The following RBIS variants were observed in gnomAD, a reference collection of about 807,000 sequenced individuals.
The protein encoded by RBIS is ribosomal biogenesis factor.
In RBIS, 9 loss-of-function variants were observed where a neutral mutation model predicts 9.8. The observed-to-expected ratio is 0.92, with a 90% CI of 0.56 to 1.61. The LOEUF (loss-of-function observed/expected upper bound fraction) is 1.61. Ranked by LOEUF, RBIS falls within the 40% of genes most tolerant of loss-of-function variation. The pLI is 0.00. For synonymous variants in RBIS, 35 were observed against 37.9 expected (o/e 0.92, Z 0.28); for missense variants, 103 against 116.0 (o/e 0.89, Z 0.51).
rs779439371 is a variant in RBIS, at chr8:85,217,420, T to C, written c.80A>G (p.Asn27Ser). Residue 27 changes from asparagine to serine, a missense_variant, in exon 2 of 4, where the codon AAC becomes AGC. By Grantham distance (46) the Asn-to-Ser change is conservative (BLOSUM62 1). Transcript: ENST00000619594. The stretch of plus-strand genomic sequence containing the variant: ...ATTAGTGGTAACTGGTTTTGCTTTG[T>C]TTTTAGCCTTAAAGTTTTTTTGGCT... ...IASQKNFKAKNKAKPVTTNLK... is the reference protein window; with the variant it reads ...IASQKNFKAKSKAKPVTTNLK... The C allele has an allele frequency of 1.2e-6, 2 of 1,611,994 alleles. No individual in the cohort carries two copies. The highest frequency in any genetic ancestry group is 1.7e-6 in the Non-Finnish European group (2 of 1,178,544).
intron 1 of RBIS, chr8:85,218,906 C>G (rs970826305): frequency 6.6e-6 from 1 of 152,220 alleles, no homozygotes; most frequent in African/African-American, 2.4e-5. Context: ...GCTGATATGG[C>G]TGCTTTCCTG....
intron 2 of RBIS, chr8:85,216,405 ATC>A (rs998220025): frequency 6.6e-6 from 1 of 152,140 alleles, no homozygotes; most frequent in Non-Finnish European, 1.5e-5. Flanking sequence ...CTACCCATAG[ATC>A]TCTCTCTTAG....
Position 85,214,472 on chromosome 8 carries a change from T to G in RBIS, c.*88A>C, listed in dbSNP as rs1813047659. The G allele has an allele frequency of 2.2e-6, 2 of 908,328 alleles. No homozygotes were observed. Among genetic ancestry groups the G allele is most frequent in the Non-Finnish European group, 1.8e-6 (1 of 557,704 alleles). 56.3% of individuals were successfully genotyped at this position (908,328 alleles called of 1,614,324 possible). On this transcript the variant is annotated 3_prime_UTR_variant, in exon 4 of 4. Transcript: ENST00000619594. ...TTTGTTTTTAAAATGTGCCAATGCC[T>G]GTACATTAACAAGATTTTTAAAAAT...
rs561464143 is a variant in RBIS at position 85,214,739 on chromosome 8, G to A, written c.232-108C>T. 3 of 835,498 alleles carry A rather than the reference G, an allele frequency of 3.6e-6. No homozygotes were observed. The East Asian group carries it at 7.3e-5, about 20-fold the overall frequency. 51.8% of individuals were successfully genotyped at this position (835,498 alleles called of 1,614,324 possible). Reference sequence around the variant, plus strand: ...TTTTCTAGTCATATCTTTGGAAGTAGAACAATCTGTATATTCTGACAATGT... The same window carrying A: ...TTTTCTAGTCATATCTTTGGAAGTAAAACAATCTGTATATTCTGACAATGT... On this transcript the variant is annotated intron_variant, in intron 3 of 3. Coordinates refer to ENST00000619594, the MANE Select transcript of RBIS (RefSeq NM_001099673.3).
In RBIS at chr8:85,214,425, T is replaced by C. The variant is rs188049660; in HGVS notation, c.*135A>G. The stretch of plus-strand genomic sequence containing the variant: ...TCTGACATTCCACTTTCCTAGGTTA[T>C]AGGAAAGATCTGTTTATGTAGTTTG... On this transcript the variant is annotated 3_prime_UTR_variant, in exon 4 of 4. Coordinates refer to ENST00000619594, the MANE Select transcript of RBIS (RefSeq NM_001099673.3). 2.2e-4 allele frequency: 151 copies of C among 678,860 alleles called. 1 individual carries two copies. The East Asian group carries it at 3.7e-3, about 17-fold the overall frequency. 42.1% of individuals were successfully genotyped at this position (678,860 alleles called of 1,614,324 possible). A position where few individuals can be genotyped will look rare whatever the true frequency, so the allele number is the denominator to read the frequency against.
At chr8:85,218,169 T>G (rs1445281591) in intron 1 of RBIS, among the ~76,000 whole-genome samples, 1 of 152,232 alleles carries the variant, frequency 6.6e-6, no homozygotes, top group Admixed American at 6.5e-5. Flanking sequence ...AATATTAAGT[T>G]AACACATATT....
At chr8:85,219,267 A>C (rs1194488144) in intron 1 of RBIS, 3 of 152,216 alleles carry the variant, frequency 2.0e-5, no homozygotes, top group Non-Finnish European at 4.4e-5. Context: ...ACTGAAATTT[A>C]TATCTTCCTT....
At chr8:85,219,761 A>T (rs1813291683) in intron 1 of RBIS, among the ~76,000 whole-genome samples, 2 of 152,138 alleles carry the variant, frequency 1.3e-5, no homozygotes, top group Admixed American at 1.3e-4. Context: ...AAATTAAAAT[A>T]AAATAATTAC....
Position 85,214,332 on chromosome 8 carries a change from T to C in RBIS, c.*228A>G. The C allele has an allele frequency of 1.7e-6, 1 of 590,866 alleles. No individual in the cohort carries two copies. Among genetic ancestry groups the C allele is most frequent in the South Asian group, 1.9e-5 (1 of 53,504 alleles). The allele number at this position is 590,866 out of a possible 1,614,324, so 36.6% of individuals were successfully genotyped here. A position where few individuals can be genotyped will look rare whatever the true frequency, so the allele number is the denominator to read the frequency against. On this transcript the variant is annotated 3_prime_UTR_variant, in exon 4 of 4. Coordinates refer to ENST00000619594, the MANE Select transcript of RBIS (RefSeq NM_001099673.3). ...GGATGTAAACGAGGATATATAACTGTTTCAGTGAACAGATTTTGTGAAGTG... is the reference window on the plus strand; with the variant it reads ...GGATGTAAACGAGGATATATAACTGCTTCAGTGAACAGATTTTGTGAAGTG...
At chr8:85,219,537 G>A (rs1387947315) in intron 1 of RBIS, among the ~76,000 whole-genome samples, 5 of 151,984 alleles carry the variant, frequency 3.3e-5, no homozygotes, top group African/African-American at 7.3e-5. Context: ...ATCACTTGAG[G>A]CCAGGAGTTC....
intron 2 of RBIS, chr8:85,216,990 G>C (rs1042436351): frequency 3.6e-6 from 1 of 279,744 alleles, no homozygotes; most frequent in Non-Finnish European, 6.5e-6. Context: ...TGTCTTCAAA[G>C]ATACAAGAAT....
At chr8:85,218,098 T>C (rs1029049634) in intron 1 of RBIS, among the ~76,000 whole-genome samples, 3 of 152,350 alleles carry the variant, frequency 2.0e-5, no homozygotes, top group Admixed American at 6.5e-5. Flanking sequence ...AGCCAGTAAA[T>C]TCTACCTTAA....
At chr8:85,219,206 C>G (rs930346275) in intron 1 of RBIS, 4 of 152,248 alleles carry the variant, frequency 2.6e-5, no homozygotes, top group African/African-American at 9.6e-5. Flanking sequence ...TTCTCTTGCA[C>G]AGACACCTTG....
chr8:85,218,209 C>T (rs181387966), intron 1 of RBIS, among the ~76,000 whole-genome samples: 2 of 152,246 alleles, frequency 1.3e-5, no homozygotes, highest in East Asian at 1.9e-4. Context: ...AAGCACTACA[C>T]TTATGTGCTT....
chr8:85,219,673 TGC>T (rs1813288092), intron 1 of RBIS, among the ~76,000 whole-genome samples: 1 of 151,966 alleles, frequency 6.6e-6, no homozygotes, highest in Admixed American at 6.6e-5. Context: ...AGGCGGAGGT[TGC>T]AGTGAGCCGA....
intron 2 of RBIS, among the ~76,000 whole-genome samples, chr8:85,216,508 G>C (rs1260804834): frequency 2.0e-5 from 3 of 152,100 alleles, no homozygotes; most frequent in Non-Finnish European, 4.4e-5. Flanking sequence ...CCCTAGCTCA[G>C]GGCCTCTGCA....
chr8:85,219,954 T>G (rs780915166), intron 1 of RBIS, among the ~76,000 whole-genome samples: 1 of 152,008 alleles, frequency 6.6e-6, no homozygotes. Context: ...AATATACACA[T>G]GGACCATGAA....
chr8:85,219,998 C>G (rs148001209), intron 1 of RBIS, among the ~76,000 whole-genome samples: 101 of 152,272 alleles, frequency 6.6e-4, no homozygotes, highest in African/African-American at 2.4e-3. Context: ...TTTACTAGAG[C>G]TGTAGACCTG....
At chr8:85,219,267 A>G (rs1194488144) in intron 1 of RBIS, 2 of 152,216 alleles carry the variant, frequency 1.3e-5, no homozygotes, top group African/African-American at 2.4e-5. Flanking sequence ...ACTGAAATTT[A>G]TATCTTCCTT....
Sources: allele counts gnomAD v4.1 joint callset (sites outside exome capture counted in the v4.1 genomes callset), GRCh38; gene constraint gnomAD v4.1.1; transcripts MANE v1.5; gene names NCBI Gene and HGNC (gene_info 2026-07-23, HGNC 2026-07-21).